The following CAMK2B variants were observed in gnomAD, a reference collection of about 807,000 sequenced individuals.
CAMK2B encodes the protein calcium/calmodulin-dependent protein kinase type II subunit beta.
A neutral mutation model predicts 93.7 loss-of-function variants in CAMK2B; 27 were observed. The ratio of observed to expected loss-of-function variants is 0.29; its 90% CI spans 0.21 to 0.40. The LOEUF (loss-of-function observed/expected upper bound fraction) is 0.40, where lower values mean the gene tolerates loss of function less well. Ranked by LOEUF, CAMK2B falls within the 10% of genes least tolerant of loss-of-function variation. CAMK2B has a pLI of 1.00. For missense variants in CAMK2B, 568 were observed against 895.8 expected (o/e 0.63, Z 4.67); for synonymous variants, 374 against 358.8 (o/e 1.04, Z -0.48).
chr7:44,317,232 A>G (rs1795013261), intron 1 of CAMK2B, among the ~76,000 whole-genome samples: 1 of 150,400 alleles, frequency 6.6e-6, no homozygotes, highest in African/African-American at 2.5e-5. Context: ...TATCCTTAAA[A>G]GAAACCAGGA....
At chr7:44,228,007 T>G in intron 19 of CAMK2B, among the ~76,000 whole-genome samples, 1 of 149,704 alleles carries the variant, frequency 6.7e-6, no homozygotes, top group Admixed American at 6.6e-5. Flanking sequence ...GCGTGGTGCG[T>G]GGAGAGGAGG....
intron 3 of CAMK2B, among the ~76,000 whole-genome samples, 182 bp from the exon 4 acceptor site, chr7:44,259,108 TG>T (rs1432829441): frequency 6.6e-6 from 1 of 152,134 alleles, no homozygotes; most frequent in African/African-American, 2.4e-5. Flanking sequence ...CTTTGGGCCC[TG>T]CGGGCCAGCT....
intron 20 of CAMK2B, among the ~76,000 whole-genome samples, chr7:44,221,134 C>A (rs1027403263): frequency 1.3e-5 from 2 of 152,224 alleles, no homozygotes; most frequent in Admixed American, 6.5e-5. Flanking sequence ...TTTTGAAGAA[C>A]AGAAATATTC....
intron 2 of CAMK2B, among the ~76,000 whole-genome samples, chr7:44,265,930 C>T (rs955893036): frequency 5.3e-5 from 8 of 152,042 alleles, no homozygotes; most frequent in Admixed American, 6.6e-5. Context: ...CAAACACACA[C>T]GTCGTATCGA....
chr7:44,319,218 C>A (rs989908860), intron 1 of CAMK2B, among the ~76,000 whole-genome samples: 3 of 152,148 alleles, frequency 2.0e-5, no homozygotes, highest in African/African-American at 4.8e-5. Context: ...TATTTAAAAT[C>A]TCCAGAAAGG....
intron 10 of CAMK2B, 96 bp downstream of exon 10, chr7:44,242,121 AG>A (rs1172017405): frequency 4.2e-5 from 61 of 1,436,180 alleles, no homozygotes; most frequent in Non-Finnish European, 5.7e-5. Context: ...CTTGGATGTC[AG>A]GAACAGGACC....
chr7:44,272,364 C>A (rs2096983251), intron 2 of CAMK2B, among the ~76,000 whole-genome samples: 1 of 152,184 alleles, frequency 6.6e-6, no homozygotes, highest in Non-Finnish European at 1.5e-5. Context: ...TCCTGGGCAC[C>A]CAGCACCTCT....
chr7:44,263,637 C>A (rs760132287), intron 2 of CAMK2B, among the ~76,000 whole-genome samples: 2 of 152,068 alleles, frequency 1.3e-5, no homozygotes, highest in Admixed American at 6.5e-5. Flanking sequence ...TCCCCGGACA[C>A]CGGAGGCGTG....
intron 19 of CAMK2B, among the ~76,000 whole-genome samples, chr7:44,228,288 C>G (rs573247118): frequency 6.6e-6 from 1 of 152,176 alleles, no homozygotes; most frequent in South Asian, 2.1e-4. Flanking sequence ...GCTCCAGAGA[C>G]CCTGGTCGGG....
intron 5 of CAMK2B, among the ~76,000 whole-genome samples, chr7:44,251,135 C>A (rs1391488676): frequency 6.6e-6 from 1 of 152,112 alleles, no homozygotes; most frequent in African/African-American, 2.4e-5. Context: ...CTGGCTGCGT[C>A]TGTGTGGTTC....
intron 1 of CAMK2B, among the ~76,000 whole-genome samples, chr7:44,293,671 C>T (rs1787482908): frequency 2.0e-5 from 3 of 152,204 alleles, no homozygotes; most frequent in African/African-American, 7.2e-5. Context: ...CTAGATCCCT[C>T]GCTTGCACAG....
intron 1 of CAMK2B, among the ~76,000 whole-genome samples, chr7:44,304,226 C>T (rs185037797): frequency 1.3e-5 from 2 of 152,264 alleles, no homozygotes; most frequent in East Asian, 3.9e-4. Flanking sequence ...CCTTACACTC[C>T]AGCAATCACA....
At chr7:44,257,902 G>C (rs1199406265) in intron 4 of CAMK2B, among the ~76,000 whole-genome samples, 1 of 152,220 alleles carries the variant, frequency 6.6e-6, no homozygotes, top group Non-Finnish European at 1.5e-5. Flanking sequence ...TCTCTGCTCG[G>C]CCTGCACGCT....
Position 44,228,942 on chromosome 7 carries a change from AGACGT to A in CAMK2B, c.1340-23_1340-19del. The A allele has an allele frequency of 6.2e-7, 1 of 1,606,940 alleles. No individual in the cohort carries two copies. The highest frequency in any genetic ancestry group is 8.5e-7 in the Non-Finnish European group (1 of 1,176,292). On this transcript the variant is annotated intron_variant, in intron 18 of 23. Coordinates refer to ENST00000395749, the MANE Select transcript of CAMK2B (RefSeq NM_001220.5). ...CCTGGGGGCTGGGGTGGAACAGATG[AGACGT>A]GAACATGAGGCAGACAGACACACGA...
chr7:44,239,140 C>T (rs898487043), intron 13 of CAMK2B, among the ~76,000 whole-genome samples: 5 of 152,186 alleles, frequency 3.3e-5, no homozygotes, highest in Admixed American at 3.3e-4. Flanking sequence ...CTCAGCAGCA[C>T]AGACCACCGT....
At chr7:44,284,525 A>T (rs1299351663) in intron 1 of CAMK2B, among the ~76,000 whole-genome samples, 1 of 152,164 alleles carries the variant, frequency 6.6e-6, no homozygotes, top group African/African-American at 2.4e-5. Flanking sequence ...GGCCCTCGGG[A>T]GGGTGGCGGA....
In CAMK2B at chr7:44,286,542, G is replaced by C. The variant is rs75429205; in HGVS notation, c.66-2317C>G. Among the ~76,000 whole-genome samples the C allele has an allele frequency of 0.062, 9,423 of 152,254 alleles. 420 individuals carry two copies. The highest frequency in any genetic ancestry group is 0.084 in the Non-Finnish European group (5,691 of 68,012). ...CCAGCTGCTGGCCAGACTCAGACAG[G>C]TACCGGAGCAGAGGGCGGCAAGCCA... On this transcript the variant is annotated intron_variant, in intron 1 of 23. Transcript: ENST00000395749. The surrounding 1 kb of genome is among the most constrained non-coding windows in gnomAD (Gnocchi z 4.0).
chr7:44,218,521 G>T lies in CAMK2B; in HGVS notation c.*1004C>A, dbSNP rs73317723. On this transcript the variant is annotated 3_prime_UTR_variant, in exon 24 of 24. Transcript: ENST00000395749. ...GGGCTGCAGAGAAGCCGAACAGGCT[G>T]GGGGAGGGCCGAGGGGCGGAAACAG... The T allele has an allele frequency of 6.6e-6, 1 of 152,310 alleles. No individual in the cohort carries two copies. Among genetic ancestry groups the T allele is most frequent in the Non-Finnish European group, 1.5e-5 (1 of 68,110 alleles). The allele number at this position is 152,310 out of a possible 1,614,324, so 9.4% of individuals were successfully genotyped here.
Position 44,231,099 on chromosome 7 carries a change from AG to A in CAMK2B, c.1177-46del, listed in dbSNP as rs778379664. The A allele has an allele frequency of 4.6e-6, 6 of 1,303,770 alleles. No homozygotes were observed. In the African/African-American group the frequency reaches 9.2e-5, roughly 20 times the overall value. The allele number at this position is 1,303,770 out of a possible 1,614,324, so 80.8% of individuals were successfully genotyped here. A position where few individuals can be genotyped will look rare whatever the true frequency, so the allele number is the denominator to read the frequency against. The stretch of plus-strand genomic sequence containing the variant: ...AGCGGGTCAGGATGCGGCCAAGGAT[AG>A]GTGGGACGTGGCTGAGGGCAGGTGG... On this transcript the variant is annotated intron_variant, in intron 16 of 23. Transcript: ENST00000395749.
Sources: gnomAD v4.1 joint callset for allele counts (sites outside exome capture counted in the v4.1 genomes callset) on GRCh38, gnomAD v4.1.1 for gene constraint, Gnocchi (gnomAD v3.1) non-coding constraint, MANE v1.5 for transcripts, NCBI Gene and HGNC (gene_info 2026-07-23, HGNC 2026-07-21) for gene names.